Variants in TMEM200C observed in about 807,000 individuals in gnomAD.
TMEM200C encodes the protein transmembrane protein TTMA.
For synonymous variants in TMEM200C, 462 were observed against 324.7 expected (o/e 1.42, Z -4.55); for missense variants, 966 against 699.9 (o/e 1.38, Z -4.29).
At chr18:5,892,729 C>T (rs2095172489) in intron 2 of TMEM200C, among the ~76,000 whole-genome samples, 1 of 152,206 alleles carries the variant, frequency 6.6e-6, no homozygotes, top group Non-Finnish European at 1.5e-5. Context: ...GGATGAAAAT[C>T]AAAGGTCATA....
At chr18:5,890,588 A>G in exon 3 of TMEM200C, 2 of 1,210,788 alleles carry the variant, frequency 1.7e-6, no homozygotes, top group South Asian at 2.6e-5. Flanking sequence ...CCGGGTCCGC[A>G]CTCCCCGGGG....
Position 5,891,480 on chromosome 18 carries a change from GTCT to G in TMEM200C, c.581_583del (p.Lys194del). 1 of 1,592,444 alleles carries G rather than the reference GTCT, an allele frequency of 6.3e-7. No individual in the cohort carries two copies. Among genetic ancestry groups the G allele is most frequent in the East Asian group, 2.3e-5 (1 of 43,764 alleles). ...GAGGTCCCGCAGGTTGATGATTTTG[GTCT>G]TCTTGTCCCGGTTCTCGTGGAGGAC... On this transcript the variant is annotated inframe_deletion, in exon 3 of 3. Coordinates refer to ENST00000581347, the Ensembl canonical transcript of TMEM200C. This position sits in a 1 kb window ranked among gnomAD's most constrained non-coding sequence, Gnocchi z 4.7.
chr18:5,891,253 C>T lies in TMEM200C; in HGVS notation c.811G>A (p.Asp271Asn). Residue 271 changes from aspartate to asparagine, a missense_variant, in exon 3 of 3, where the codon GAC becomes AAC. Coordinates refer to ENST00000581347, the Ensembl canonical transcript of TMEM200C. The surrounding 1 kb of genome is among the most constrained non-coding windows in gnomAD (Gnocchi z 4.7). The stretch of plus-strand genomic sequence containing the variant: ...AGCATCGCCGCCGCTCCGAAGGCGT[C>T]CCCGGAGCCACCGCAGCCCCCGGGC... 7.2e-7 allele frequency: 1 copy of T among 1,385,488 alleles called. No homozygotes were observed. Among genetic ancestry groups the T allele is most frequent in the Admixed American group, 2.8e-5 (1 of 36,220 alleles). 85.8% of individuals were successfully genotyped at this position (1,385,488 alleles called of 1,614,324 possible).
chr18:5,890,500 A>C, exon 3 of TMEM200C: 10 of 1,541,018 alleles, frequency 6.5e-6, no homozygotes, highest in Non-Finnish European at 8.8e-6. Flanking sequence ...GAGCTCCCGG[A>C]GTCCCGCCTG....
At chr18:5,892,904 C>G (rs975159426) in intron 2 of TMEM200C, among the ~76,000 whole-genome samples, 2 of 152,208 alleles carry the variant, frequency 1.3e-5, no homozygotes, top group African/African-American at 4.8e-5. Context: ...CTTGCACAGC[C>G]TTCTTCTCTC....
At position 5,891,144 on chromosome 18, in the gene TMEM200C, G is replaced by A. The variant is rs2095170411; in HGVS notation, c.920C>T (p.Ser307Phe). 3.9e-6 allele frequency: 2 copies of A among 507,896 alleles called. No homozygotes were observed. The highest frequency in any genetic ancestry group is 4.4e-5 in the Admixed American group (1 of 22,504). 31.5% of individuals were successfully genotyped at this position (507,896 alleles called of 1,614,324 possible). Residue 307 changes from serine (S) to phenylalanine (F), a missense_variant, in exon 3 of 3, where the codon TCT becomes TTT. Coordinates refer to ENST00000581347, the Ensembl canonical transcript of TMEM200C. This position sits in a 1 kb window ranked among gnomAD's most constrained non-coding sequence, Gnocchi z 4.7. ...GGGCTCCCGCGGACAGCGCGGGGAA[G>A]AGGCCAGGTCCGGCGGGGACGCGGC...
chr18:5,893,344 G>A (rs1362201409), intron 2 of TMEM200C, among the ~76,000 whole-genome samples: 2 of 152,248 alleles, frequency 1.3e-5, no homozygotes, highest in East Asian at 3.9e-4. Context: ...TTTAGGAAGG[G>A]AGGGTGGCAA....
chr18:5,890,636 C>A, exon 3 of TMEM200C: 1 of 827,506 alleles, frequency 1.2e-6, no homozygotes, highest in Non-Finnish European at 1.6e-6. Flanking sequence ...CCCGGTAGTC[C>A]GGGAGCCCGC....
intron 2 of TMEM200C, among the ~76,000 whole-genome samples, chr18:5,892,535 G>T (rs1440204221): frequency 6.6e-6 from 1 of 152,116 alleles, no homozygotes; most frequent in Non-Finnish European, 1.5e-5. Context: ...TCAAAGTAGT[G>T]GTTAAGGACC....
chr18:5,891,398 C>CGCG lies in TMEM200C; in HGVS notation c.663_665dup (p.Ala230dup). ...AGGCGGCGGCGGCCGCGGCGGCGGCCGCGGCGGCCGCCAGGTCTTTGGCGC... is the reference window on the plus strand; with the variant it reads ...AGGCGGCGGCGGCCGCGGCGGCGGCCGCGGCGGCGGCCGCCAGGTCTTTGGCGC... On this transcript the variant is annotated inframe_insertion, in exon 3 of 3. Coordinates refer to ENST00000581347, the Ensembl canonical transcript of TMEM200C. The surrounding 1 kb of genome is among the most constrained non-coding windows in gnomAD (Gnocchi z 4.7). 4 of 1,353,278 alleles carry CGCG rather than the reference C, an allele frequency of 3.0e-6. No individual in the cohort carries two copies. Among genetic ancestry groups the CGCG allele is most frequent in the Non-Finnish European group, 3.8e-6 (4 of 1,056,302 alleles). 83.8% of individuals were successfully genotyped at this position (1,353,278 alleles called of 1,614,324 possible). A position where few individuals can be genotyped will look rare whatever the true frequency, so the allele number is the denominator to read the frequency against.
At chr18:5,890,331 G>A in exon 3 of TMEM200C, 1 of 1,603,802 alleles carries the variant, frequency 6.2e-7, no homozygotes, top group Non-Finnish European at 8.5e-7. Flanking sequence ...CTCCTGGCTG[G>A]CACCCTCCGG....
Position 5,891,428 on chromosome 18 carries a change from G to A in TMEM200C, c.636C>T (p.Ser212=), listed in dbSNP as rs751512940. The A allele has an allele frequency of 8.4e-6, 13 of 1,548,696 alleles. No homozygotes were observed. The highest frequency in any genetic ancestry group is 2.0e-5 in the Admixed American group (1 of 50,884). The change falls in exon 3 of 3, where the codon AGC becomes AGT. Residue 212 remains serine, a synonymous_variant. Transcript: ENST00000581347. This position sits in a 1 kb window ranked among gnomAD's most constrained non-coding sequence, Gnocchi z 4.7. ...CGGCCGCCAGGTCTTTGGCGCGGAG[G>A]CTGTGCACGTCGATGACGGTGGAGT...
chr18:5,891,297 G>T lies in TMEM200C; in HGVS notation c.767C>A (p.Ser256Ter). 7.1e-7 allele frequency: 1 copy of T among 1,415,536 alleles called. No individual in the cohort carries two copies. The allele number at this position is 1,415,536 out of a possible 1,614,324, so 87.7% of individuals were successfully genotyped here. The change falls in exon 3 of 3, where the codon TCG becomes TAG. Residue 256 changes from serine (S) to a stop codon, truncating the protein, a stop_gained. Transcript: ENST00000581347. LOFTEE classifies it low-confidence loss of function (END_TRUNC). The surrounding 1 kb of genome is among the most constrained non-coding windows in gnomAD (Gnocchi z 4.7). ...CCCGGGCTTCAGCTCCAGGCCCCGCGACTGCACGTAGCTGAGGAAGCCGTT... is the reference window on the plus strand; with the variant it reads ...CCCGGGCTTCAGCTCCAGGCCCCGCTACTGCACGTAGCTGAGGAAGCCGTT...
Position 5,890,603 on chromosome 18 carries a change from CGG to C in TMEM200C, c.1459_1460del (p.Pro487AlafsTer42), listed in dbSNP as rs774381826. On this transcript the variant is annotated frameshift_variant, in exon 3 of 3. Coordinates refer to ENST00000581347, the Ensembl canonical transcript of TMEM200C. LOFTEE classifies it low-confidence loss of function (END_TRUNC). ...CCGGGTCCGCACTCCCCGGGGAGGG[CGG>C]GGGCTCGGGGGACGGCGGCGCCCGG... is the stretch of plus-strand genomic sequence containing the variant. The C allele has an allele frequency of 3.6e-6, 4 of 1,122,552 alleles. No homozygotes were observed. The highest frequency in any genetic ancestry group is 4.6e-6 in the Non-Finnish European group (4 of 877,356). The allele number at this position is 1,122,552 out of a possible 1,614,324, so 69.5% of individuals were successfully genotyped here. A position where few individuals can be genotyped will look rare whatever the true frequency, so the allele number is the denominator to read the frequency against.
At chr18:5,890,709 C>T (rs2095169615) in exon 3 of TMEM200C, 5 of 517,044 alleles carry the variant, frequency 9.7e-6, no homozygotes, top group African/African-American at 8.1e-5. Flanking sequence ...GCCCTGCCCC[C>T]TGGCGGCGCG....
chr18:5,890,510 G>A (rs773284099), exon 3 of TMEM200C: 2 of 1,527,420 alleles, frequency 1.3e-6, no homozygotes, highest in African/African-American at 2.8e-5. Context: ...AGTCCCGCCT[G>A]GTGGGGGGCG....
chr18:5,893,623 T>C (rs567886050), intron 2 of TMEM200C, among the ~76,000 whole-genome samples: 20 of 152,248 alleles, frequency 1.3e-4, no homozygotes, highest in Non-Finnish European at 2.6e-4. Context: ...TGTTTTAGAA[T>C]AAATTCCCCC....
At chr18:5,884,771 C>T (rs888077450) in exon 3 of TMEM200C, 18 of 151,994 alleles carry the variant, frequency 1.2e-4, no homozygotes, top group African/African-American at 1.7e-4. Context: ...TTTTCTGATC[C>T]GGTTTGCTTC....
exon 3 of TMEM200C, chr18:5,890,442 C>A (rs761961772): frequency 8.9e-6 from 14 of 1,577,418 alleles, no homozygotes; most frequent in African/African-American, 1.3e-5. Flanking sequence ...GCCGGCCTCC[C>A]GCAGGGGTGT....
Sources: allele counts gnomAD v4.1 joint callset (sites outside exome capture counted in the v4.1 genomes callset), GRCh38; gene constraint gnomAD v4.1.1; non-coding constraint Gnocchi (gnomAD v3.1); transcripts MANE v1.5; gene names NCBI Gene and HGNC (gene_info 2026-07-23, HGNC 2026-07-21).